CTNND2: variants seen among roughly 807,000 people sequenced by gnomAD.
CTNND2 encodes the protein catenin delta-2.
A neutral mutation model predicts 144.4 loss-of-function variants in CTNND2; 22 were observed. That is an observed-to-expected ratio of 0.15 (90% CI 0.11 to 0.22). The LOEUF is 0.22. CTNND2 is among the 10% of genes least tolerant of loss of function. The pLI, the probability that CTNND2 is intolerant of heterozygous loss-of-function variation, is 1.00. For synonymous variants in CTNND2, 751 were observed against 695.6 expected (o/e 1.08, Z -1.25); for missense variants, 1,353 against 1,618.8 (o/e 0.84, Z 2.82).
chr5:11,232,373 C>T (rs1291085129), intron 10 of CTNND2, among the ~76,000 whole-genome samples: 2 of 152,250 alleles, frequency 1.3e-5, no homozygotes, highest in Non-Finnish European at 2.9e-5. Context: ...GGGAGTGGGG[C>T]TGTACCCTGC....
intron 9 of CTNND2, among the ~76,000 whole-genome samples, chr5:11,245,903 T>C (rs76246229): frequency 1.3e-5 from 2 of 152,298 alleles, no homozygotes; most frequent in Non-Finnish European, 2.9e-5. Flanking sequence ...GACTCTTCCA[T>C]TGATTTACTC....
chr5:11,657,531 G>A (rs187949206), intron 2 of CTNND2, among the ~76,000 whole-genome samples: 15 of 151,178 alleles, frequency 9.9e-5, no homozygotes, highest in African/African-American at 2.7e-4. Context: ...TAAAATAACC[G>A]TATGTATTAA....
chr5:11,526,431 G>A (rs970548901), intron 3 of CTNND2, among the ~76,000 whole-genome samples: 10 of 152,228 alleles, frequency 6.6e-5, no homozygotes, highest in Admixed American at 5.2e-4. Flanking sequence ...TATCGATGAC[G>A]TTAAGTGTGC....
intron 3 of CTNND2, among the ~76,000 whole-genome samples, chr5:11,500,034 A>G (rs1463004578): frequency 6.6e-6 from 1 of 152,148 alleles, no homozygotes; most frequent in Non-Finnish European, 1.5e-5. Context: ...GAGGGCCTGT[A>G]AGAATCCCCT....
At chr5:11,469,561 G>A (rs1766974115) in intron 3 of CTNND2, among the ~76,000 whole-genome samples, 1 of 152,096 alleles carries the variant, frequency 6.6e-6, no homozygotes, top group African/African-American at 2.4e-5. Flanking sequence ...AACAGATGAT[G>A]ATCACATCAC....
chr5:11,384,589 G>T lies in CTNND2; in HGVS notation c.1177+76C>A. On this transcript the variant is annotated intron_variant, in intron 7 of 21. Transcript: ENST00000304623. This position sits in a 1 kb window ranked among gnomAD's most constrained non-coding sequence, Gnocchi z 5.2. Reference sequence around the variant, plus strand: ...AGACAGCGCGCCCGGCTTCGCTTCTGCTCAAGCCGGGCTGCTGCTTCCGCG... The same window carrying T: ...AGACAGCGCGCCCGGCTTCGCTTCTTCTCAAGCCGGGCTGCTGCTTCCGCG... 1 of 1,414,936 alleles carries T rather than the reference G, an allele frequency of 7.1e-7. No individual in the cohort carries two copies. The highest frequency in any genetic ancestry group is 9.5e-7 in the Non-Finnish European group (1 of 1,054,376). 87.6% of individuals were successfully genotyped at this position (1,414,936 alleles called of 1,614,324 possible). A position where few individuals can be genotyped will look rare whatever the true frequency, so the allele number is the denominator to read the frequency against.
intron 1 of CTNND2, among the ~76,000 whole-genome samples, chr5:11,783,840 G>C (rs745357366): frequency 6.6e-6 from 1 of 152,286 alleles, no homozygotes; most frequent in South Asian, 2.1e-4. Context: ...ATCAGGTGAG[G>C]AGGCAAGGCC....
At chr5:11,121,866 T>A (rs903407650) in intron 12 of CTNND2, among the ~76,000 whole-genome samples, 3 of 152,180 alleles carry the variant, frequency 2.0e-5, no homozygotes, top group Non-Finnish European at 4.4e-5. Context: ...TCAATGTATT[T>A]GTAATTAGCC....
intron 1 of CTNND2, among the ~76,000 whole-genome samples, chr5:11,737,854 A>G (rs1238356341): frequency 6.6e-6 from 1 of 152,202 alleles, no homozygotes; most frequent in African/African-American, 2.4e-5. Context: ...AGTAGGCACA[A>G]TGAGAAAGTA....
At chr5:11,330,168 T>C (rs1752943007) in intron 9 of CTNND2, among the ~76,000 whole-genome samples, 1 of 151,714 alleles carries the variant, frequency 6.6e-6, no homozygotes, top group South Asian at 2.1e-4. Flanking sequence ...GAAACTTGTT[T>C]CCTTTTTAAA....
chr5:11,358,296 T>G (rs902868138), intron 8 of CTNND2, among the ~76,000 whole-genome samples: 2 of 152,220 alleles, frequency 1.3e-5, no homozygotes, highest in Non-Finnish European at 2.9e-5. Context: ...ACACTCTGTC[T>G]TCCTTCAACT....
intron 10 of CTNND2, among the ~76,000 whole-genome samples, chr5:11,217,553 C>T (rs1739324864): frequency 6.6e-6 from 1 of 152,152 alleles, no homozygotes; most frequent in South Asian, 2.1e-4. Flanking sequence ...CCTGCTCATG[C>T]ATTTAGTGGA....
intron 3 of CTNND2, among the ~76,000 whole-genome samples, chr5:11,479,528 C>T (rs1324811059): frequency 1.3e-5 from 2 of 152,164 alleles, no homozygotes; most frequent in Non-Finnish European, 1.5e-5. Flanking sequence ...AATAAGATTG[C>T]TGCGTCCAAT....
At chr5:11,019,406 G>A (rs893624902) in intron 17 of CTNND2, among the ~76,000 whole-genome samples, 2 of 152,190 alleles carry the variant, frequency 1.3e-5, no homozygotes, top group African/African-American at 4.8e-5. Context: ...TATTCAGGTC[G>A]TGATAGTGTA....
At chr5:11,638,776 G>A (rs1781840748) in intron 2 of CTNND2, among the ~76,000 whole-genome samples, 2 of 152,094 alleles carry the variant, frequency 1.3e-5, no homozygotes, top group East Asian at 3.9e-4. Context: ...GTTTCACTAT[G>A]TTGACCAGGC....
chr5:11,399,759 C>G (rs1227389394), intron 5 of CTNND2, among the ~76,000 whole-genome samples: 1 of 152,180 alleles, frequency 6.6e-6, no homozygotes, highest in Non-Finnish European at 1.5e-5. Flanking sequence ...ACTAGATGTA[C>G]TCTGACAAAA....
In CTNND2 at chr5:11,365,262, A is replaced by G. The variant is rs974097164; in HGVS notation, c.1178-372T>C. Reference sequence around the variant, plus strand: ...TTAGCCCATAGCCCTTGCACCTTAAATTGTACAATAGAAATTATTTTAAAT... The same window carrying G: ...TTAGCCCATAGCCCTTGCACCTTAAGTTGTACAATAGAAATTATTTTAAAT... On this transcript the variant is annotated intron_variant, in intron 7 of 21. Coordinates refer to ENST00000304623, the MANE Select transcript of CTNND2 (RefSeq NM_001332.4). Among the ~76,000 whole-genome samples the G allele has an allele frequency of 2.0e-5, 3 of 152,332 alleles. No homozygotes were observed. In the South Asian group the frequency reaches 6.2e-4, roughly 32 times the overall value.
At chr5:11,629,259 A>C (rs967364744) in intron 2 of CTNND2, among the ~76,000 whole-genome samples, 1 of 151,790 alleles carries the variant, frequency 6.6e-6, no homozygotes, top group Non-Finnish European at 1.5e-5. Context: ...CGGAAAAGTT[A>C]AACAACAACA....
At chr5:11,751,755 A>G (rs1788635594) in intron 1 of CTNND2, among the ~76,000 whole-genome samples, 1 of 151,828 alleles carries the variant, frequency 6.6e-6, no homozygotes, top group Admixed American at 6.6e-5. Flanking sequence ...GGGTTGAATG[A>G]CACTTCTGCT....
Sources: gnomAD v4.1 joint callset for allele counts (sites outside exome capture counted in the v4.1 genomes callset) on GRCh38, gnomAD v4.1.1 for gene constraint, Gnocchi (gnomAD v3.1) non-coding constraint, MANE v1.5 for transcripts, NCBI Gene and HGNC (gene_info 2026-07-23, HGNC 2026-07-21) for gene names.